The following CNOT4 variants were observed in gnomAD, a reference collection of about 807,000 sequenced individuals.
CNOT4 encodes the protein CCR4-NOT transcription complex subunit 4.
CNOT4 carries 8 observed loss-of-function variants against 73.8 expected under a neutral mutation model. That is an observed-to-expected ratio of 0.11 (90% CI 0.06 to 0.20). The LOEUF (loss-of-function observed/expected upper bound fraction) is 0.20. Among genes scored for constraint, CNOT4 ranks in the 10% least tolerant of loss-of-function variants. The pLI, the probability that CNOT4 is intolerant of heterozygous loss-of-function variation, is 1.00. For missense variants in CNOT4, 564 were observed against 883.4 expected (o/e 0.64, Z 4.58); for synonymous variants, 293 against 321.1 (o/e 0.91, Z 0.94).
chr7:135,444,842 A>T (rs1799721648), intron 1 of CNOT4: 1 of 1,607,108 alleles, frequency 6.2e-7, no homozygotes, highest in African/African-American at 1.3e-5. Context: ...GGCTTTTGGC[A>T]CTTTCAGCTT....
intron 1 of CNOT4, among the ~76,000 whole-genome samples, chr7:135,457,379 A>T (rs185531166): frequency 6.6e-6 from 1 of 152,186 alleles, no homozygotes; most frequent in East Asian, 1.9e-4. Context: ...GGCTAAGTCA[A>T]AATCTGTATC....
chr7:135,440,318 C>A (rs1380922561), intron 1 of CNOT4, among the ~76,000 whole-genome samples: 5 of 146,996 alleles, frequency 3.4e-5, no homozygotes, highest in African/African-American at 1.2e-4. Flanking sequence ...CTTTAGTTAA[C>A]AGCCAGGTAA....
At chr7:135,368,293 G>T (rs1795018701) in intron 10 of CNOT4, among the ~76,000 whole-genome samples, 1 of 152,014 alleles carries the variant, frequency 6.6e-6, no homozygotes, top group Non-Finnish European at 1.5e-5. Flanking sequence ...TAAACAAGCT[G>T]ACAAATCTAG....
chr7:135,426,921 C>T lies in CNOT4; in HGVS notation c.175-4568G>A, dbSNP rs1337887500. Among the ~76,000 whole-genome samples, 6 of 142,902 alleles carry T rather than the reference C, an allele frequency of 4.2e-5. No individual in the cohort carries two copies. The South Asian group carries it at 6.6e-4, about 16-fold the overall frequency. The allele number at this position is 142,902 out of a possible 152,430, so 93.7% of individuals were successfully genotyped here. A position where few individuals can be genotyped will look rare whatever the true frequency, so the allele number is the denominator to read the frequency against. On this transcript the variant is annotated intron_variant, in intron 2 of 11. Transcript: ENST00000541284. ...CTGGGGAACAAGAATGAAACTCCAT[C>T]TCAAAAAAAAAAAAAAAGGAAAAAT...
rs550192620 is a variant in CNOT4 at position 135,421,418 on chromosome 7, A to AT, written c.372+737dup. On this transcript the variant is annotated intron_variant, in intron 3 of 11. Coordinates refer to ENST00000541284, the MANE Select transcript of CNOT4 (RefSeq NM_001190850.2). ...AAACACTCTGCCTGTCGATCAGCTT[A>AT]TATTTGCCTTCTCAACAATCTAGTC... Among the ~76,000 whole-genome samples the AT allele has an allele frequency of 2.1e-3, 324 of 152,296 alleles. 1 individual carries two copies. Among genetic ancestry groups the AT allele is most frequent in the African/African-American group, 7.0e-3 (290 of 41,566 alleles).
intron 10 of CNOT4, among the ~76,000 whole-genome samples, chr7:135,367,711 A>G (rs937518584): frequency 8.5e-5 from 13 of 152,212 alleles, no homozygotes; most frequent in African/African-American, 3.1e-4. Context: ...TCATTCTCAG[A>G]GGTACTGTGT....
chr7:135,444,234 A>C (rs1168792986), intron 1 of CNOT4, among the ~76,000 whole-genome samples: 1 of 152,156 alleles, frequency 6.6e-6, no homozygotes, highest in Non-Finnish European at 1.5e-5. Context: ...TATTAAACTT[A>C]GAATTAGTGT....
chr7:135,377,175 T>G (rs1457831733), intron 10 of CNOT4, among the ~76,000 whole-genome samples: 3 of 152,210 alleles, frequency 2.0e-5, no homozygotes, highest in Non-Finnish European at 4.4e-5. Context: ...AAATGTGTGA[T>G]TAAAAATTAA....
chr7:135,377,483 C>T (rs1243105672), intron 10 of CNOT4, among the ~76,000 whole-genome samples: 1 of 152,188 alleles, frequency 6.6e-6, no homozygotes, highest in South Asian at 2.1e-4. Context: ...AAATTAAAGT[C>T]TATGTTTTAA....
intron 10 of CNOT4, among the ~76,000 whole-genome samples, chr7:135,392,243 T>G (rs1427834240): frequency 6.6e-6 from 1 of 152,096 alleles, no homozygotes; most frequent in African/African-American, 2.4e-5. Flanking sequence ...TTTCACACAT[T>G]ATTTTAGTCT....
At chr7:135,400,097 C>A (rs1374754970) in intron 7 of CNOT4, among the ~76,000 whole-genome samples, 2 of 151,700 alleles carry the variant, frequency 1.3e-5, no homozygotes, top group Non-Finnish European at 2.9e-5. Flanking sequence ...AAAAGATTTA[C>A]TCAGCAGGAG....
chr7:135,432,741 A>G (rs1233773441), intron 2 of CNOT4, among the ~76,000 whole-genome samples: 1 of 152,212 alleles, frequency 6.6e-6, no homozygotes, highest in Non-Finnish European at 1.5e-5. Context: ...TGGAAGGTAA[A>G]AAAATTTTGA....
Position 135,413,450 on chromosome 7 carries a change from C to T in CNOT4, c.687+38G>A, listed in dbSNP as rs752316866. On this transcript the variant is annotated intron_variant, in intron 6 of 11. Coordinates refer to ENST00000541284, the MANE Select transcript of CNOT4 (RefSeq NM_001190850.2). ...TAACTAATAAAAAAAAAAGTACTCCCTTTTCTGCAAAGTTGATAATTCACA... is the reference window on the plus strand; with the variant it reads ...TAACTAATAAAAAAAAAAGTACTCCTTTTTCTGCAAAGTTGATAATTCACA... The T allele has an allele frequency of 3.8e-6, 6 of 1,597,398 alleles. No homozygotes were observed. The South Asian group carries it at 4.6e-5, about 12-fold the overall frequency.
intron 1 of CNOT4, among the ~76,000 whole-genome samples, chr7:135,487,287 G>C (rs977410906): frequency 1.3e-5 from 2 of 151,674 alleles, no homozygotes; most frequent in Non-Finnish European, 2.9e-5. Context: ...ACCCAGGCTA[G>C]AGTGCAGTGA....
At chr7:135,393,771 TA>T in intron 10 of CNOT4, 146 bp downstream of exon 10, 1 of 602,684 alleles carries the variant, frequency 1.7e-6, no homozygotes, top group South Asian at 2.4e-5. Flanking sequence ...TAATGAAAAA[TA>T]TATTTTAGAT....
intron 1 of CNOT4, among the ~76,000 whole-genome samples, chr7:135,474,121 A>G (rs1417688421): frequency 1.3e-5 from 2 of 150,836 alleles, no homozygotes; most frequent in Non-Finnish European, 3.0e-5. Flanking sequence ...CTGAGATTAC[A>G]GGTACCTGCC....
chr7:135,366,530 G>C (rs1161983488), intron 10 of CNOT4, among the ~76,000 whole-genome samples: 1 of 152,148 alleles, frequency 6.6e-6, no homozygotes, highest in Non-Finnish European at 1.5e-5. Flanking sequence ...GAGAAATTTA[G>C]ATCCTCCCAG....
rs555872339 is a variant in CNOT4, at chr7:135,472,452, G to A, written c.-92-34029C>T. Among the ~76,000 whole-genome samples the A allele has an allele frequency of 1.3e-4, 14 of 108,406 alleles. 2 individuals carry two copies. The South Asian group carries it at 3.7e-3, about 29-fold the overall frequency. The allele number at this position is 108,406 out of a possible 152,430, so 71.1% of individuals were successfully genotyped here. On this transcript the variant is annotated intron_variant, in intron 1 of 11. Transcript: ENST00000541284. ...AGATCATGCCACTGCACTCCAGCCC[G>A]GGCGACAGAGCGAGACACCGACTCA...
chr7:135,429,515 A>G (rs376518812), intron 2 of CNOT4, among the ~76,000 whole-genome samples: 79 of 152,286 alleles, frequency 5.2e-4, no homozygotes, highest in African/African-American at 1.8e-3. Flanking sequence ...TCAGTTTTAG[A>G]TATCATCACA....
Sources: allele counts gnomAD v4.1 joint callset (sites outside exome capture counted in the v4.1 genomes callset), GRCh38; gene constraint gnomAD v4.1.1; transcripts MANE v1.5; gene names NCBI Gene and HGNC (gene_info 2026-07-23, HGNC 2026-07-21).